TSPAN9: variants seen among roughly 807,000 people sequenced by gnomAD.
TSPAN9 encodes tetraspanin 9.
A neutral mutation model predicts 31.0 loss-of-function variants in TSPAN9; 16 were observed. The ratio of observed to expected loss-of-function variants is 0.52; its 90% CI spans 0.35 to 0.78. The LOEUF (loss-of-function observed/expected upper bound fraction) is 0.78. Among genes scored for constraint, TSPAN9 ranks in the 30% least tolerant of loss-of-function variants. TSPAN9 has a pLI of 0.01. For missense variants in TSPAN9, 272 were observed against 312.5 expected (o/e 0.87, Z 0.98); for synonymous variants, 145 against 121.6 (o/e 1.19, Z -1.27).
At chr12:3,273,377 T>A (rs1862721430) in intron 3 of TSPAN9, 1 of 152,312 alleles carries the variant, frequency 6.6e-6, no homozygotes, top group Non-Finnish European at 1.5e-5. Flanking sequence ...CCCCTGGACC[T>A]GCACCTGCTC....
intron 3 of TSPAN9, among the ~76,000 whole-genome samples, chr12:3,255,997 G>C (rs980348620): frequency 6.6e-6 from 1 of 152,164 alleles, no homozygotes; most frequent in African/African-American, 2.4e-5. Context: ...CTTTCAGGCA[G>C]GGCTGTTAGC....
chr12:3,267,342 C>T (rs539158402), intron 3 of TSPAN9, among the ~76,000 whole-genome samples: 30 of 152,326 alleles, frequency 2.0e-4, no homozygotes, highest in African/African-American at 6.3e-4. Flanking sequence ...TTCATCCCCA[C>T]GGTGTCCCTG....
intron 2 of TSPAN9, among the ~76,000 whole-genome samples, chr12:3,193,450 C>T (rs1433642896): frequency 2.6e-5 from 4 of 152,210 alleles, no homozygotes; most frequent in African/African-American, 7.2e-5. Flanking sequence ...GCTAAGCTAA[C>T]TGATCTTTCC....
rs948546281 is a variant in TSPAN9 at position 3,280,153 on chromosome 12, T to C, written c.331-229T>C. ...TTTAGCTCTGCCGGGAGGCGGTGGG[T>C]GCACCAGGGCCTGCTGTATTCTGAA... is the stretch of plus-strand genomic sequence containing the variant. On this transcript the variant is annotated intron_variant, in intron 5 of 8. Transcript: ENST00000011898. The surrounding 1 kb of genome is among the most constrained non-coding windows in gnomAD (Gnocchi z 4.5). 2.0e-5 allele frequency among the ~76,000 whole-genome samples: 3 copies of C among 151,780 alleles called. No homozygotes were observed. Among genetic ancestry groups the C allele is most frequent in the African/African-American group, 7.3e-5 (3 of 41,286 alleles).
chr12:3,132,614 G>T (rs2098330288), intron 2 of TSPAN9, among the ~76,000 whole-genome samples: 1 of 152,130 alleles, frequency 6.6e-6, no homozygotes, highest in Admixed American at 6.5e-5. Flanking sequence ...CTCAACATGT[G>T]GCCCCATTTG....
chr12:3,267,589 A>G (rs191140378), intron 3 of TSPAN9, among the ~76,000 whole-genome samples: 4 of 152,328 alleles, frequency 2.6e-5, no homozygotes, highest in South Asian at 2.1e-4. Flanking sequence ...TGGCTTCACA[A>G]TTACTGTGTG....
chr12:3,269,020 T>C (rs1862610968), intron 3 of TSPAN9, among the ~76,000 whole-genome samples: 1 of 91,352 alleles, frequency 1.1e-5, no homozygotes. Context: ...CTCTCTGTGT[T>C]CCTGCAGCCT....
chr12:3,098,910 G>T (rs990101347), intron 2 of TSPAN9, among the ~76,000 whole-genome samples: 1 of 151,802 alleles, frequency 6.6e-6, no homozygotes, highest in African/African-American at 2.4e-5. Context: ...GCATCACCAC[G>T]CCCGGCTAAT....
At chr12:3,100,723 C>G (rs1163465391) in intron 2 of TSPAN9, among the ~76,000 whole-genome samples, 1 of 152,156 alleles carries the variant, frequency 6.6e-6, no homozygotes, top group East Asian at 1.9e-4. Flanking sequence ...GGGTGGGTGC[C>G]TCTAGGAAAC....
At chr12:3,265,674 C>CTG (rs1253397975) in intron 3 of TSPAN9, among the ~76,000 whole-genome samples, 1 of 152,190 alleles carries the variant, frequency 6.6e-6, no homozygotes, top group Non-Finnish European at 1.5e-5. Context: ...ACCACCTGGG[C>CTG]TGTGTGTCTG....
At chr12:3,090,882 G>C (rs34685216) in intron 2 of TSPAN9, among the ~76,000 whole-genome samples, 17,267 of 152,286 alleles carry the variant, frequency 0.11, 1,121 homozygotes, top group Middle Eastern at 0.15. Flanking sequence ...TCCCCAGATG[G>C]GTCATCCAGG....
rs866589556 is a variant in TSPAN9 at position 3,234,962 on chromosome 12, C to T, written c.63+33706C>T. The stretch of plus-strand genomic sequence containing the variant: ...GATTACGAGGTCAGGAGATCGAGAC[C>T]ATCCTGGCTAACACGGTGAAACCCC... On this transcript the variant is annotated intron_variant, in intron 3 of 8. Transcript: ENST00000011898. Among the ~76,000 whole-genome samples the T allele has an allele frequency of 2.7e-5, 4 of 150,206 alleles. No homozygotes were observed. In the Middle Eastern group the frequency reaches 0.01, roughly 383 times the overall value.
chr12:3,230,285 C>G (rs1165824301), intron 3 of TSPAN9, among the ~76,000 whole-genome samples: 2 of 152,100 alleles, frequency 1.3e-5, no homozygotes, highest in Non-Finnish European at 2.9e-5. Flanking sequence ...CAGCAGGACC[C>G]AAGTTTAGTT....
intron 5 of TSPAN9, 113 bp downstream of exon 5, chr12:3,279,179 T>C: frequency 2.1e-6 from 2 of 957,048 alleles, no homozygotes; most frequent in Non-Finnish European, 3.3e-6. Flanking sequence ...AAGCAGCACC[T>C]GTGCAGAAAG....
intron 2 of TSPAN9, among the ~76,000 whole-genome samples, chr12:3,119,325 T>C (rs1481412852): frequency 2.6e-5 from 4 of 152,078 alleles, no homozygotes; most frequent in Admixed American, 2.0e-4. Context: ...GCTCGGGGGG[T>C]TCACTGACTC....
chr12:3,204,756 G>T (rs773469783), intron 3 of TSPAN9, among the ~76,000 whole-genome samples: 67 of 152,316 alleles, frequency 4.4e-4, no homozygotes, highest in Non-Finnish European at 7.5e-4. Flanking sequence ...GGGAATAGGA[G>T]ATTTGAATTG....
intron 3 of TSPAN9, among the ~76,000 whole-genome samples, chr12:3,264,459 C>T (rs992982737): frequency 2.6e-5 from 4 of 152,190 alleles, no homozygotes; most frequent in Non-Finnish European, 5.9e-5. Flanking sequence ...GCCTGCAAAT[C>T]GGGAAAGCAA....
chr12:3,128,164 G>A (rs1317210353), intron 2 of TSPAN9, among the ~76,000 whole-genome samples: 1 of 152,246 alleles, frequency 6.6e-6, no homozygotes, highest in East Asian at 1.9e-4. Context: ...TGTTATTTTT[G>A]GCAGAGAGGT....
At chr12:3,110,471 G>A (rs1245100301) in intron 2 of TSPAN9, among the ~76,000 whole-genome samples, 1 of 152,158 alleles carries the variant, frequency 6.6e-6, no homozygotes, top group Non-Finnish European at 1.5e-5. Context: ...CCATTCTCTT[G>A]GAGATCTTTG....
Sources: gnomAD v4.1 joint callset for allele counts (sites outside exome capture counted in the v4.1 genomes callset) on GRCh38, gnomAD v4.1.1 for gene constraint, Gnocchi (gnomAD v3.1) non-coding constraint, MANE v1.5 for transcripts, NCBI Gene and HGNC (gene_info 2026-07-23, HGNC 2026-07-21) for gene names.